The following ANO3 variants were observed in gnomAD, a reference collection of about 807,000 sequenced individuals.
ANO3 encodes the protein anoctamin-3.
Under a neutral mutation model 144.8 loss-of-function variants are expected in ANO3, and 99 were observed. The ratio of observed to expected loss-of-function variants is 0.68; its 90% CI spans 0.58 to 0.81. The LOEUF (loss-of-function observed/expected upper bound fraction) is 0.81. Ranked by LOEUF, ANO3 falls within the 30% of genes least tolerant of loss-of-function variation. The pLI is 0.00. For synonymous variants in ANO3, 414 were observed against 392.6 expected (o/e 1.05, Z -0.64); for missense variants, 905 against 1,202.2 (o/e 0.75, Z 3.66).
At chr11:26,514,833 G>A (rs764765591) in intron 5 of ANO3, among the ~76,000 whole-genome samples, 4 of 151,938 alleles carry the variant, frequency 2.6e-5, no homozygotes, top group Admixed American at 6.6e-5. Context: ...TACACTTTAC[G>A]TTTTAAAAAG....
intron 24 of ANO3, among the ~76,000 whole-genome samples, chr11:26,649,999 G>T (rs916611714): frequency 6.6e-6 from 1 of 152,078 alleles, no homozygotes; most frequent in Admixed American, 6.6e-5. Context: ...GAGATTGACT[G>T]GGTATCTAGC....
chr11:26,460,713 C>CAA (rs147823407), intron 3 of ANO3, among the ~76,000 whole-genome samples: 2 of 151,636 alleles, frequency 1.3e-5, no homozygotes, highest in East Asian at 2.0e-4. Context: ...AAAAAGTAAA[C>CAA]AGAAAAATCT....
At chr11:26,602,802 TC>T (rs745426504) in intron 17 of ANO3, among the ~76,000 whole-genome samples, 3 of 151,950 alleles carry the variant, frequency 2.0e-5, no homozygotes, top group Non-Finnish European at 4.4e-5. Flanking sequence ...ATTTCTTCTA[TC>T]TAATTATAAT....
intron 14 of ANO3, chr11:26,563,320 C>A: frequency 6.6e-7 from 1 of 1,513,960 alleles, no homozygotes; most frequent in South Asian, 1.3e-5. Context: ...AAGAACCGAA[C>A]TCTATGCATG....
chr11:26,192,504 G>T (rs1239256402), intron 1 of ANO3, among the ~76,000 whole-genome samples: 1 of 152,160 alleles, frequency 6.6e-6, no homozygotes, highest in African/African-American at 2.4e-5. Context: ...TGTCTAAAAG[G>T]AAGTGTTCCA....
chr11:26,285,611 C>T (rs1853789106), intron 1 of ANO3: 1 of 152,110 alleles, frequency 6.6e-6, no homozygotes, highest in Non-Finnish European at 1.5e-5. Flanking sequence ...ATAAATAACA[C>T]AAAATAAGCA....
At chr11:26,612,443 A>G (rs293931) in intron 17 of ANO3, among the ~76,000 whole-genome samples, 16,941 of 150,632 alleles carry the variant, frequency 0.11, 1,109 homozygotes, top group Admixed American at 0.21. Flanking sequence ...TTCTTCATCT[A>G]TTAGGTGTTC....
chr11:26,460,455 A>G (rs11029568), intron 3 of ANO3, among the ~76,000 whole-genome samples: 3 of 150,164 alleles, frequency 2.0e-5, no homozygotes, highest in Non-Finnish European at 3.0e-5. Context: ...AAAGAAGGAA[A>G]GAAGGAAGGA....
intron 1 of ANO3, among the ~76,000 whole-genome samples, chr11:26,207,070 C>T (rs994949624): frequency 1.3e-5 from 2 of 151,988 alleles, no homozygotes; most frequent in Non-Finnish European, 2.9e-5. Flanking sequence ...AGGGATTAGT[C>T]AAAGGATACG....
At chr11:26,633,006 C>A (rs942469251) in intron 18 of ANO3, among the ~76,000 whole-genome samples, 13 of 152,306 alleles carry the variant, frequency 8.5e-5, no homozygotes, top group Middle Eastern at 3.4e-3. Flanking sequence ...GGGTGGCCCA[C>A]AGACCCTTCC....
intron 1 of ANO3, among the ~76,000 whole-genome samples, chr11:26,283,366 A>ATATATATATATATATG (rs1263543417): frequency 8.5e-6 from 1 of 117,596 alleles, no homozygotes; most frequent in Non-Finnish European, 1.8e-5. Flanking sequence ...ATATATATAT[A>ATATATATATATATATG]GCGAGCATTT....
At chr11:26,469,091 A>G (rs987364494) in intron 4 of ANO3, among the ~76,000 whole-genome samples, 2 of 151,876 alleles carry the variant, frequency 1.3e-5, no homozygotes, top group Non-Finnish European at 2.9e-5. Context: ...GAGTCTTTGT[A>G]TTCTCTGAAA....
intron 1 of ANO3, among the ~76,000 whole-genome samples, chr11:26,239,702 G>A (rs1444154831): frequency 6.6e-6 from 1 of 152,102 alleles, no homozygotes; most frequent in Non-Finnish European, 1.5e-5. Context: ...GTCTGTCTTG[G>A]TCTCTGCTAT....
chr11:26,561,567 ATGTTCAGAATTTGTCAC>A (rs569381450), intron 14 of ANO3, among the ~76,000 whole-genome samples: 6,471 of 152,066 alleles, frequency 0.043, 194 homozygotes, highest in Non-Finnish European at 0.067. Flanking sequence ...CCTTGTCAAC[ATGTTCAGAATTTGTCAC>A]TTCTGGTGTA....
At chr11:26,263,779 T>C (rs1375706241) in intron 1 of ANO3, among the ~76,000 whole-genome samples, 1 of 152,212 alleles carries the variant, frequency 6.6e-6, no homozygotes, top group African/African-American at 2.4e-5. Flanking sequence ...ATTGGTTTCA[T>C]TGATTACTGG....
chr11:26,562,489 A>G (rs1850333059), intron 14 of ANO3, among the ~76,000 whole-genome samples: 1 of 151,960 alleles, frequency 6.6e-6, no homozygotes, highest in South Asian at 2.1e-4. Context: ...TCAAATTGAT[A>G]TTATATTATT....
chr11:26,388,234 A>G (rs1019399111), intron 1 of ANO3, among the ~76,000 whole-genome samples: 3 of 151,870 alleles, frequency 2.0e-5, no homozygotes, highest in African/African-American at 7.2e-5. Context: ...ATATATTTTA[A>G]CCAGAATCTA....
intron 1 of ANO3, among the ~76,000 whole-genome samples, chr11:26,389,563 A>G (rs1447383542): frequency 1.3e-5 from 2 of 152,062 alleles, no homozygotes; most frequent in African/African-American, 4.8e-5. Flanking sequence ...CTCTTTTCAA[A>G]TGGATGATTA....
intron 14 of ANO3, among the ~76,000 whole-genome samples, chr11:26,597,120 G>A (rs929241526): frequency 6.6e-6 from 1 of 152,132 alleles, no homozygotes; most frequent in Non-Finnish European, 1.5e-5. Context: ...ATTACTCACC[G>A]CTTTGGAGAA....
Sources: allele counts gnomAD v4.1 joint callset (sites outside exome capture counted in the v4.1 genomes callset), GRCh38; gene constraint gnomAD v4.1.1; transcripts MANE v1.5; gene names NCBI Gene and HGNC (gene_info 2026-07-23, HGNC 2026-07-21).